Variants in SNTG2 observed in about 807,000 individuals in gnomAD.
The protein encoded by SNTG2 is gamma-2-syntrophin.
Under a neutral mutation model 70.9 loss-of-function variants are expected in SNTG2, and 74 were observed. That is an observed-to-expected ratio of 1.04 (90% confidence interval 0.86 to 1.27). The LOEUF (loss-of-function observed/expected upper bound fraction) is 1.27. Among genes scored for constraint, SNTG2 ranks in the 50% most tolerant of loss-of-function variants. The probability of loss-of-function intolerance (pLI) is 0.00; values close to 1 mark genes in which losing one functional copy is unlikely to be tolerated. For synonymous variants in SNTG2, 278 were observed against 273.8 expected, an observed-to-expected ratio of 1.02 and a Z score of -0.15; for missense variants, 717 against 690.7, an observed-to-expected ratio of 1.04 and a Z score of -0.43.
intron 1 of SNTG2, among the ~76,000 whole-genome samples, chr2:1,034,203 T>C (rs1295289243): frequency 6.6e-6 from 1 of 152,184 alleles, no homozygotes; most frequent in Non-Finnish European, 1.5e-5. Flanking sequence ...CTCCCACTTA[T>C]AAGTGGCCTT....
At chr2:1,333,086 T>C (rs1299319035) in intron 16 of SNTG2, among the ~76,000 whole-genome samples, 2 of 152,218 alleles carry the variant, frequency 1.3e-5, no homozygotes, top group African/African-American at 2.4e-5. Flanking sequence ...CTAGATCTGA[T>C]AAATGAATCA....
At chr2:967,827 G>A (rs1660619620) in intron 1 of SNTG2, among the ~76,000 whole-genome samples, 1 of 152,164 alleles carries the variant, frequency 6.6e-6, no homozygotes, top group Non-Finnish European at 1.5e-5. Context: ...TCAGGAGATT[G>A]AGACCAGCCT....
intron 16 of SNTG2, among the ~76,000 whole-genome samples, chr2:1,330,913 A>T (rs1351386877): frequency 6.6e-6 from 1 of 152,104 alleles, no homozygotes; most frequent in Non-Finnish European, 1.5e-5. Context: ...TATCAGGTCG[A>T]TGTGTGCCGG....
chr2:1,327,333 G>C (rs1681803116), intron 16 of SNTG2, among the ~76,000 whole-genome samples: 1 of 151,988 alleles, frequency 6.6e-6, no homozygotes, highest in Non-Finnish European at 1.5e-5. Flanking sequence ...AAATATATAA[G>C]CTTAAACTCA....
At chr2:965,164 CT>C (rs772209493) in intron 1 of SNTG2, among the ~76,000 whole-genome samples, 2,475 of 128,096 alleles carry the variant, frequency 0.019, 18 homozygotes, top group South Asian at 0.065. Context: ...AGTCCTCCTC[CT>C]TGGACCCCAA....
intron 8 of SNTG2, among the ~76,000 whole-genome samples, chr2:1,187,767 C>T (rs1428506882): frequency 6.6e-6 from 1 of 152,094 alleles, no homozygotes; most frequent in East Asian, 1.9e-4. Context: ...GCAGATTTCT[C>T]AACAACAGTG....
Position 1,222,051 on chromosome 2 carries a change from C to A in SNTG2, c.719+12821C>A, listed in dbSNP as rs1553362150. Among the ~76,000 whole-genome samples, 21 of 15,818 alleles carry A rather than the reference C, an allele frequency of 1.3e-3. 4 individuals carry two copies. Among genetic ancestry groups the A allele is most frequent in the African/African-American group, 4.4e-3 (16 of 3,618 alleles). 10.4% of individuals were successfully genotyped at this position (15,818 alleles called of 152,430 possible). ...TGCCTATCTCTGTCTCTCTCTGTCT[C>A]TCTCTGTCTCTGTTTCTCTCTGTCT... On this transcript the variant is annotated intron_variant, in intron 9 of 16. Transcript: ENST00000308624.
intron 14 of SNTG2, among the ~76,000 whole-genome samples, chr2:1,293,642 A>T (rs1680079819): frequency 6.6e-6 from 1 of 151,710 alleles, no homozygotes; most frequent in Admixed American, 6.6e-5. Context: ...AGTTGCACAT[A>T]TTTGCTGATT....
At chr2:1,309,912 C>T (rs905170384) in intron 15 of SNTG2, among the ~76,000 whole-genome samples, 2 of 152,204 alleles carry the variant, frequency 1.3e-5, no homozygotes, top group Non-Finnish European at 2.9e-5. Context: ...CCATATGGAC[C>T]TGCTGGTTCC....
intron 15 of SNTG2, among the ~76,000 whole-genome samples, chr2:1,309,598 C>G: frequency 6.7e-6 from 1 of 148,198 alleles, no homozygotes; most frequent in East Asian, 1.9e-4. Context: ...GGGCCCCACA[C>G]AGGGCATCTC....
intron 7 of SNTG2, among the ~76,000 whole-genome samples, chr2:1,166,430 G>T (rs771738730): frequency 2.0e-5 from 3 of 152,204 alleles, no homozygotes; most frequent in Non-Finnish European, 4.4e-5. Context: ...GGAAGGAACA[G>T]CTTCCCTCCC....
At chr2:1,050,115 A>G (rs1661973318) in intron 1 of SNTG2, among the ~76,000 whole-genome samples, 1 of 152,204 alleles carries the variant, frequency 6.6e-6, no homozygotes, top group South Asian at 2.1e-4. Context: ...TTTATCAAAC[A>G]TATGAGACAC....
chr2:996,729 C>T (rs1276377009), intron 1 of SNTG2, among the ~76,000 whole-genome samples: 1 of 103,330 alleles, frequency 9.7e-6, no homozygotes, highest in East Asian at 4.0e-4. Flanking sequence ...TTGATGAAAG[C>T]AACACAAGAA....
chr2:991,407 A>ACT (rs1553305482), intron 1 of SNTG2, among the ~76,000 whole-genome samples: 2 of 151,122 alleles, frequency 1.3e-5, no homozygotes, highest in Non-Finnish European at 3.0e-5. Flanking sequence ...ACACACACAC[A>ACT]ATTATGACTT....
chr2:996,164 G>A lies in SNTG2; in HGVS notation c.72+45096G>A, dbSNP rs560188958. Among the ~76,000 whole-genome samples the A allele has an allele frequency of 3.4e-3, 514 of 152,288 alleles. 4 individuals carry two copies. The highest frequency in any genetic ancestry group is 0.011 in the African/African-American group (451 of 41,566). ...CAGGTGGCCTGAGTGTCATGGAGGA[G>A]TTTTGACTGGTATGCAGTTTTCTGG... On this transcript the variant is annotated intron_variant, in intron 1 of 16. Transcript: ENST00000308624.
At chr2:1,155,004 AAAC>A (rs1170573916) in intron 6 of SNTG2, among the ~76,000 whole-genome samples, 1 of 81,354 alleles carries the variant, frequency 1.2e-5, no homozygotes, top group African/African-American at 2.9e-5. Context: ...ACACACACAC[AAAC>A]AACACATAGT....
chr2:1,008,127 T>A (rs545510945), intron 1 of SNTG2, among the ~76,000 whole-genome samples: 1 of 152,334 alleles, frequency 6.6e-6, no homozygotes, highest in South Asian at 2.1e-4. Flanking sequence ...GGCTTGATAA[T>A]AACTTATATT....
intron 1 of SNTG2, among the ~76,000 whole-genome samples, chr2:1,083,105 C>A (rs1261701764): frequency 2.0e-5 from 3 of 151,910 alleles, no homozygotes; most frequent in African/African-American, 7.3e-5. Context: ...TACTCCAGGC[C>A]AACAAACCTT....
At chr2:1,058,835 C>G (rs537666205) in intron 1 of SNTG2, among the ~76,000 whole-genome samples, 1 of 152,346 alleles carries the variant, frequency 6.6e-6, no homozygotes, top group South Asian at 2.1e-4. Context: ...TAATGAAAGT[C>G]AGATGAACTG....
Sources: gnomAD v4.1 joint callset for allele counts (sites outside exome capture counted in the v4.1 genomes callset) on GRCh38, gnomAD v4.1.1 for gene constraint, MANE v1.5 for transcripts, NCBI Gene and HGNC (gene_info 2026-07-23, HGNC 2026-07-21) for gene names.